ATG4C: variants seen among roughly 807,000 people sequenced by gnomAD.
ATG4C encodes the protein autophagy related 4C cysteine peptidase, also known as cysteine protease ATG4C.
In ATG4C, 56 loss-of-function variants were observed where a neutral mutation model predicts 57.6. The ratio of observed to expected loss-of-function variants is 0.97; its 90% CI spans 0.78 to 1.21. The LOEUF (loss-of-function observed/expected upper bound fraction) is 1.21. ATG4C is among the 50% of genes most tolerant of loss of function. The probability of loss-of-function intolerance (pLI) is 0.00; values close to 1 mark genes in which losing one functional copy is unlikely to be tolerated. For missense variants in ATG4C, 595 were observed against 529.8 expected (o/e 1.12, Z -1.21); for synonymous variants, 157 against 174.1 (o/e 0.90, Z 0.78).
At chr1:62,841,394 A>T (rs765477409) in intron 9 of ATG4C, 34 bp from the exon 10 acceptor site, 10 of 1,551,466 alleles carry the variant, frequency 6.4e-6, no homozygotes, top group African/African-American at 1.4e-5. Context: ...TCTATCAAAG[A>T]TAAATTAATC....
intron 10 of ATG4C, 105 bp downstream of exon 10, chr1:62,841,652 C>G: frequency 4.1e-6 from 4 of 975,358 alleles, no homozygotes; most frequent in Non-Finnish European, 5.7e-6. Flanking sequence ...AAAATTTCCT[C>G]TTGAATGTTA....
In ATG4C at chr1:62,841,412, A is replaced by G; in HGVS notation, c.1090-16A>G. 1 of 1,591,638 alleles carries G rather than the reference A, an allele frequency of 6.3e-7. No homozygotes were observed. On this transcript the variant is annotated splice_polypyrimidine_tract_variant and intron_variant, in intron 9 of 10. Transcript: ENST00000317868. ...ATCAAAGATAAATTAATCCTAAAGA[A>G]CTTTAAAAATTACAGACATTCCACT...
chr1:62,834,347 G>A (rs1665932177), intron 8 of ATG4C, among the ~76,000 whole-genome samples: 1 of 151,932 alleles, frequency 6.6e-6, no homozygotes. Flanking sequence ...TATTGGTTGC[G>A]CTAAACTTCA....
intron 10 of ATG4C, among the ~76,000 whole-genome samples, chr1:62,857,743 G>C (rs1666728465): frequency 6.6e-6 from 1 of 152,060 alleles, no homozygotes; most frequent in Non-Finnish European, 1.5e-5. Flanking sequence ...TTTTATTGTG[G>C]TTCTCATCTC....
intron 10 of ATG4C, among the ~76,000 whole-genome samples, chr1:62,857,371 A>C (rs1190467241): frequency 6.6e-6 from 1 of 152,182 alleles, no homozygotes; most frequent in East Asian, 1.9e-4. Flanking sequence ...ATGAGAATCT[A>C]AGGCTTGATG....
intron 3 of ATG4C, among the ~76,000 whole-genome samples, chr1:62,815,606 A>G (rs555658942): frequency 1.3e-5 from 2 of 152,162 alleles, no homozygotes; most frequent in Non-Finnish European, 2.9e-5. Flanking sequence ...TCATGGCTCA[A>G]TGCAGCCTCA....
rs746133113 is a variant in ATG4C, at chr1:62,829,096, G to A, written c.853G>A (p.Asp285Asn). The A allele has an allele frequency of 1.1e-5, 18 of 1,612,958 alleles. No homozygotes were observed. Among genetic ancestry groups the A allele is most frequent in the South Asian group, 2.2e-5 (2 of 91,012 alleles). Residue 285 changes from aspartate to asparagine, a missense_variant, in exon 7 of 11, where the codon GAT (aspartate) becomes AAT (asparagine). Asp to Asn is a conservative substitution (Grantham distance 23). Coordinates refer to ENST00000317868, the MANE Select transcript of ATG4C (RefSeq NM_032852.4). Reference protein sequence around the residue: ...QSASMTSDNADDKAVIILVPV... With the variant: ...QSASMTSDNANDKAVIILVPV... ...TGCTTCCATGACTTCTGATAATGCA[G>A]ATGACAAAGCTGTTATTATTCTAGT...
At chr1:62,834,217 G>T in intron 8 of ATG4C, 101 bp downstream of exon 8, 1 of 1,053,756 alleles carries the variant, frequency 9.5e-7, no homozygotes, top group Non-Finnish European at 1.4e-6. Flanking sequence ...AGAGCAAAAC[G>T]AGTACCTTAT....
intron 10 of ATG4C, among the ~76,000 whole-genome samples, chr1:62,859,365 G>A (rs780011780): frequency 9.9e-5 from 15 of 152,130 alleles, no homozygotes; most frequent in Non-Finnish European, 1.9e-4. Context: ...CTACAAATCT[G>A]TACAGCATGT....
At chr1:62,840,230 C>T (rs900296482) in intron 9 of ATG4C, among the ~76,000 whole-genome samples, 1 of 152,092 alleles carries the variant, frequency 6.6e-6, no homozygotes, top group African/African-American at 2.4e-5. Context: ...TCATATCTTA[C>T]TGCAGCTTCA....
In ATG4C at chr1:62,789,566, C is replaced by A. The variant is rs940422770; in HGVS notation, c.-69+5293C>A. 2.0e-4 allele frequency among the ~76,000 whole-genome samples: 30 copies of A among 151,676 alleles called. No homozygotes were observed. The East Asian group carries it at 4.9e-3, about 25-fold the overall frequency. ...TGGTGGCTCATGCCTGTAATCCCAG[C>A]ACTTTGGGAGGCCGAGGCGGGTGGA... On this transcript the variant is annotated intron_variant, in intron 1 of 10. Coordinates refer to ENST00000317868, the MANE Select transcript of ATG4C (RefSeq NM_032852.4).
At chr1:62,798,772 G>A (rs1025692891) in intron 1 of ATG4C, among the ~76,000 whole-genome samples, 4 of 152,006 alleles carry the variant, frequency 2.6e-5, no homozygotes, top group Non-Finnish European at 4.4e-5. Context: ...AGCCTCCTGA[G>A]TAGCTGGGAT....
At chr1:62,822,039 C>T (rs550083239) in intron 6 of ATG4C, among the ~76,000 whole-genome samples, 33 of 151,990 alleles carry the variant, frequency 2.2e-4, no homozygotes, top group Middle Eastern at 6.8e-3. Context: ...AAACTTGTTG[C>T]GGATAAAATA....
chr1:62,845,282 C>G (rs1032822049), intron 10 of ATG4C, among the ~76,000 whole-genome samples: 4 of 152,010 alleles, frequency 2.6e-5, no homozygotes, highest in African/African-American at 9.7e-5. Flanking sequence ...AAATTTTAAC[C>G]AATCTCGTGG....
chr1:62,861,759 A>G (rs1254131276), intron 10 of ATG4C, among the ~76,000 whole-genome samples: 1 of 152,158 alleles, frequency 6.6e-6, no homozygotes, highest in Admixed American at 6.6e-5. Context: ...TTATAGCTTT[A>G]TATCTTTTTT....
At chr1:62,796,971 G>A (rs951934288) in intron 1 of ATG4C, among the ~76,000 whole-genome samples, 1 of 152,122 alleles carries the variant, frequency 6.6e-6, no homozygotes, top group Admixed American at 6.5e-5. Context: ...AGCTGGGCAT[G>A]GTGGCACATG....
intron 4 of ATG4C, among the ~76,000 whole-genome samples, chr1:62,818,247 A>G: frequency 6.6e-6 from 1 of 152,148 alleles, no homozygotes; most frequent in East Asian, 1.9e-4. Context: ...ATTCTGAAGA[A>G]ACGTACAGGA....
chr1:62,865,314 C>T lies in ATG4C; in HGVS notation c.*1155C>T, dbSNP rs193122406. On this transcript the variant is annotated 3_prime_UTR_variant, in exon 11 of 11. Coordinates refer to ENST00000317868, the MANE Select transcript of ATG4C (RefSeq NM_032852.4). ...GAGCTTTCATGTTTCAGTGTAGAAA[C>T]GTGACTTATAAAGACATAAAATTGT... is the stretch of plus-strand genomic sequence containing the variant. 9 of 151,696 alleles carry T rather than the reference C, an allele frequency of 5.9e-5. No individual in the cohort carries two copies. The highest frequency in any genetic ancestry group is 1.7e-4 in the African/African-American group (7 of 41,450). The allele number at this position is 151,696 out of a possible 1,614,324, so 9.4% of individuals were successfully genotyped here.
At chr1:62,832,198 A>T (rs914867316) in intron 7 of ATG4C, among the ~76,000 whole-genome samples, 16 of 152,016 alleles carry the variant, frequency 1.1e-4, no homozygotes, top group Admixed American at 3.3e-4. Context: ...TCTCTGTTTA[A>T]TTTTTTCAGT....
Sources: allele counts gnomAD v4.1 joint callset (sites outside exome capture counted in the v4.1 genomes callset), GRCh38; gene constraint gnomAD v4.1.1; transcripts MANE v1.5; gene names NCBI Gene and HGNC (gene_info 2026-07-23, HGNC 2026-07-21).